SLC23A2: variants seen among roughly 807,000 people sequenced by gnomAD.
SLC23A2 encodes the protein Na(+)/L-ascorbic acid transporter 2.
A neutral mutation model predicts 73.3 loss-of-function variants in SLC23A2; 36 were observed. The observed-to-expected ratio is 0.49, with a 90% CI of 0.38 to 0.65. The LOEUF (loss-of-function observed/expected upper bound fraction) is 0.65. Ranked by LOEUF, SLC23A2 falls within the 30% of genes least tolerant of loss-of-function variation. The pLI is 0.00. For missense variants in SLC23A2, 507 were observed against 841.6 expected, an observed-to-expected ratio of 0.60 and a Z score of 4.92; for synonymous variants, 343 against 327.3, an observed-to-expected ratio of 1.05 and a Z score of -0.52.
chr20:5,007,391 C>T (rs559103549), intron 1 of SLC23A2, among the ~76,000 whole-genome samples: 2 of 152,148 alleles, frequency 1.3e-5, no homozygotes, highest in African/African-American at 4.8e-5. Flanking sequence ...ATTAGCCAGG[C>T]ATGGTGACAT....
In SLC23A2 at chr20:4,899,429, C is replaced by T. The variant is rs1931663914; in HGVS notation, c.482+126G>A. ...ACTGAGGGGTGGGGACCAACGGCCACTAGGACATTCCCGTGCCTCCATTCT... is the reference window on the plus strand; with the variant it reads ...ACTGAGGGGTGGGGACCAACGGCCATTAGGACATTCCCGTGCCTCCATTCT... On this transcript the variant is annotated intron_variant, in intron 6 of 16. Coordinates refer to ENST00000338244, the MANE Select transcript of SLC23A2 (RefSeq NM_005116.6). This position sits in a 1 kb window ranked among gnomAD's most constrained non-coding sequence, Gnocchi z 4.9. 11 of 1,102,336 alleles carry T rather than the reference C, an allele frequency of 1.0e-5. No homozygotes were observed. The highest frequency in any genetic ancestry group is 1.3e-5 in the Non-Finnish European group (10 of 741,170). 68.3% of individuals were successfully genotyped at this position (1,102,336 alleles called of 1,614,324 possible).
At chr20:4,994,534 C>T (rs2087984887) in intron 1 of SLC23A2, among the ~76,000 whole-genome samples, 1 of 152,096 alleles carries the variant, frequency 6.6e-6, no homozygotes, top group Admixed American at 6.6e-5. Flanking sequence ...CCTGTAATCT[C>T]AGCACTTTGG....
At position 4,947,278 on chromosome 20, in the gene SLC23A2, C is replaced by T. The variant is rs948183228; in HGVS notation, c.-154-14562G>A. 2.6e-5 allele frequency among the ~76,000 whole-genome samples: 4 copies of T among 152,138 alleles called. No individual in the cohort carries two copies. Among genetic ancestry groups the T allele is most frequent in the Non-Finnish European group, 5.9e-5 (4 of 68,008 alleles). On this transcript the variant is annotated intron_variant, in intron 2 of 16. Coordinates refer to ENST00000338244, the MANE Select transcript of SLC23A2 (RefSeq NM_005116.6). The surrounding 1 kb of genome is among the most constrained non-coding windows in gnomAD (Gnocchi z 4.4). ...GTTCAGGGAAATCTTGTGGCTGGGACGTGAAAGGGGAAAGGGAGGGGCAGT... is the reference window on the plus strand; with the variant it reads ...GTTCAGGGAAATCTTGTGGCTGGGATGTGAAAGGGGAAAGGGAGGGGCAGT...
At chr20:4,952,750 C>T (rs1231549059) in intron 2 of SLC23A2, among the ~76,000 whole-genome samples, 1 of 152,136 alleles carries the variant, frequency 6.6e-6, no homozygotes, top group Non-Finnish European at 1.5e-5. Flanking sequence ...ATAGGCCAGG[C>T]GCAGTGGCTC....
At chr20:4,878,510 C>T (rs535965301) in intron 9 of SLC23A2, among the ~76,000 whole-genome samples, 6 of 152,120 alleles carry the variant, frequency 3.9e-5, no homozygotes, top group Non-Finnish European at 8.8e-5. Context: ...TGGTTTCTGA[C>T]GTTTTAAATG....
At chr20:4,861,923 C>G in intron 15 of SLC23A2, 25 bp downstream of exon 15, 1 of 1,611,704 alleles carries the variant, frequency 6.2e-7, no homozygotes, top group East Asian at 2.2e-5. Flanking sequence ...GCTCCCACTC[C>G]AAGATGTAAA....
intron 4 of SLC23A2, among the ~76,000 whole-genome samples, chr20:4,905,190 G>C (rs1407039244): frequency 1.3e-5 from 2 of 150,538 alleles, no homozygotes; most frequent in Non-Finnish European, 2.9e-5. Context: ...GCGCATGTAT[G>C]CACATGCACA....
At chr20:4,874,193 CCA>C (rs909606887) in intron 10 of SLC23A2, 101 bp from the exon 11 acceptor site, 1 of 1,113,724 alleles carries the variant, frequency 9.0e-7, no homozygotes, top group Non-Finnish European at 1.3e-6. Flanking sequence ...CCAGAGCCCA[CCA>C]CAGTCAGTAC....
At chr20:4,992,973 C>A (rs1416536619) in intron 1 of SLC23A2, among the ~76,000 whole-genome samples, 1 of 151,752 alleles carries the variant, frequency 6.6e-6, no homozygotes, top group Non-Finnish European at 1.5e-5. Context: ...TGAGTGCCAA[C>A]AAGACACTCA....
At chr20:4,921,412 T>C (rs928464363) in intron 3 of SLC23A2, among the ~76,000 whole-genome samples, 1 of 151,998 alleles carries the variant, frequency 6.6e-6, no homozygotes, top group African/African-American at 2.4e-5. Context: ...CAAAACCCCA[T>C]TCCTACTAAA....
intron 2 of SLC23A2, among the ~76,000 whole-genome samples, chr20:4,945,414 T>C (rs1178151872): frequency 6.6e-6 from 1 of 151,982 alleles, no homozygotes; most frequent in Non-Finnish European, 1.5e-5. Context: ...GCCTCCTGAG[T>C]AGCTGTGACC....
chr20:4,987,584 C>T (rs934810766), intron 1 of SLC23A2, among the ~76,000 whole-genome samples: 6 of 152,164 alleles, frequency 3.9e-5, no homozygotes, highest in African/African-American at 1.4e-4. Flanking sequence ...CGCGGTGGCT[C>T]ACGCCTATAA....
chr20:4,867,745 C>T, intron 13 of SLC23A2, 25 bp downstream of exon 13: 1 of 1,325,096 alleles, frequency 7.5e-7, no homozygotes, highest in Non-Finnish European at 1.1e-6. Context: ...GAAACCCAAT[C>T]ATTTAATTAG....
chr20:5,001,559 C>G (rs1312258272), upstream of SLC23A2: 1 of 150,832 alleles, frequency 6.6e-6, no homozygotes, highest in African/African-American at 2.4e-5. Context: ...CCGCCCGCCC[C>G]CGCGCCGGTC....
At chr20:4,980,896 T>C (rs2087716804) in intron 1 of SLC23A2, among the ~76,000 whole-genome samples, 1 of 152,196 alleles carries the variant, frequency 6.6e-6, no homozygotes, top group African/African-American at 2.4e-5. Context: ...CTACTTTATG[T>C]ATACGCGTTC....
chr20:4,869,625 G>A, intron 12 of SLC23A2: 1 of 382,410 alleles, frequency 2.6e-6, no homozygotes. Flanking sequence ...GGCTTACAGT[G>A]GTTTCGCAGA....
At position 4,868,516 on chromosome 20, in the gene SLC23A2, G is replaced by T. The variant is rs1179400807; in HGVS notation, c.1251-641C>A. ...GCCAGAAAATAAAGCCATTTGTTGGGGTATAAGACAAACATGGGCCGTCTA... is the reference window on the plus strand; with the variant it reads ...GCCAGAAAATAAAGCCATTTGTTGGTGTATAAGACAAACATGGGCCGTCTA... On this transcript the variant is annotated intron_variant, in intron 12 of 16. Transcript: ENST00000338244. This position sits in a 1 kb window ranked among gnomAD's most constrained non-coding sequence, Gnocchi z 4.4. Among the ~76,000 whole-genome samples the T allele has an allele frequency of 1.3e-5, 2 of 152,040 alleles. No homozygotes were observed. The highest frequency in any genetic ancestry group is 2.4e-5 in the African/African-American group (1 of 41,404).
chr20:4,871,079 C>T (rs751500021), intron 11 of SLC23A2, among the ~76,000 whole-genome samples: 1 of 152,140 alleles, frequency 6.6e-6, no homozygotes, highest in Non-Finnish European at 1.5e-5. Context: ...GGGTCTCTTT[C>T]GTGTGAGAAT....
chr20:4,984,962 C>A (rs750083144), intron 1 of SLC23A2, among the ~76,000 whole-genome samples: 3 of 152,084 alleles, frequency 2.0e-5, no homozygotes, highest in Non-Finnish European at 2.9e-5. Flanking sequence ...CACGGTGAAA[C>A]CCTGTCCCTA....
Sources: allele counts gnomAD v4.1 joint callset (sites outside exome capture counted in the v4.1 genomes callset), GRCh38; gene constraint gnomAD v4.1.1; non-coding constraint Gnocchi (gnomAD v3.1); transcripts MANE v1.5; gene names NCBI Gene and HGNC (gene_info 2026-07-23, HGNC 2026-07-21).